The following ERBB4 variants were observed in gnomAD, a reference collection of about 807,000 sequenced individuals.
ERBB4 encodes receptor tyrosine-protein kinase erbB-4.
Under a neutral mutation model 158.0 loss-of-function variants are expected in ERBB4, and 42 were observed. The ratio of observed to expected loss-of-function variants is 0.27; its 90% CI spans 0.21 to 0.34. ERBB4 has a LOEUF of 0.34. ERBB4 is among the 10% of genes least tolerant of loss of function. The pLI is 1.00. For synonymous variants in ERBB4, 583 were observed against 558.7 expected, an observed-to-expected ratio of 1.04 and a Z score of -0.61; for missense variants, 1,333 against 1,624.1, an observed-to-expected ratio of 0.82 and a Z score of 3.08.
At chr2:212,524,016 G>C (rs1046728321) in intron 1 of ERBB4, among the ~76,000 whole-genome samples, 2 of 151,818 alleles carry the variant, frequency 1.3e-5, no homozygotes, top group African/African-American at 2.4e-5. Context: ...CTAATCCCTC[G>C]TATATGTAAC....
At chr2:211,768,328 C>A (rs1190216143) in intron 4 of ERBB4, among the ~76,000 whole-genome samples, 1 of 152,192 alleles carries the variant, frequency 6.6e-6, no homozygotes, top group East Asian at 1.9e-4. Flanking sequence ...TCCAGGCACA[C>A]AGTGAAGCTG....
intron 1 of ERBB4, among the ~76,000 whole-genome samples, chr2:212,458,082 TA>T (rs1237286691): frequency 6.6e-6 from 1 of 152,116 alleles, no homozygotes; most frequent in East Asian, 1.9e-4. Flanking sequence ...TACTGTTTTT[TA>T]AAATAATTCA....
At chr2:212,431,017 G>A (rs1292104633) in intron 1 of ERBB4, among the ~76,000 whole-genome samples, 2 of 152,004 alleles carry the variant, frequency 1.3e-5, no homozygotes, top group Admixed American at 6.6e-5. Context: ...AGGAAACATA[G>A]ACTTACTCCT....
At chr2:212,320,092 T>G (rs1479342366) in intron 1 of ERBB4, among the ~76,000 whole-genome samples, 1 of 149,916 alleles carries the variant, frequency 6.7e-6, no homozygotes, top group Non-Finnish European at 1.5e-5. Context: ...AGTGATGGCA[T>G]TGTACTGAGG....
rs188689067 is a variant in ERBB4 at position 212,065,909 on chromosome 2, T to C, written c.234+58843A>G. ...GCGATGGTGAAGGTGCCTGTAACAA[T>C]TGTAGTTCTGAACCGGAATTATTTA... is the stretch of plus-strand genomic sequence containing the variant. On this transcript the variant is annotated intron_variant, in intron 2 of 27. Coordinates refer to ENST00000342788, the MANE Select transcript of ERBB4 (RefSeq NM_005235.3). Among the ~76,000 whole-genome samples, 381 of 152,130 alleles carry C rather than the reference T, an allele frequency of 2.5e-3. 1 individual carries two copies. The highest frequency in any genetic ancestry group is 8.8e-3 in the African/African-American group (366 of 41,552).
At chr2:212,449,425 A>C (rs755285098) in intron 1 of ERBB4, among the ~76,000 whole-genome samples, 2 of 152,166 alleles carry the variant, frequency 1.3e-5, no homozygotes, top group Non-Finnish European at 2.9e-5. Context: ...AATAGCAAGT[A>C]AATTTTATTG....
At chr2:211,857,517 C>T (rs1245199115) in intron 3 of ERBB4, among the ~76,000 whole-genome samples, 1 of 151,906 alleles carries the variant, frequency 6.6e-6, no homozygotes, top group East Asian at 1.9e-4. Context: ...TTGTCTCCTC[C>T]AGCTTTTCTT....
intron 20 of ERBB4, among the ~76,000 whole-genome samples, chr2:211,537,136 A>T (rs543605133): frequency 6.6e-6 from 1 of 152,118 alleles, no homozygotes; most frequent in African/African-American, 2.4e-5. Context: ...TTAAAAAATC[A>T]ATTTTCCCAA....
In ERBB4 at chr2:212,391,753, T is replaced by A. The variant is rs969753366; in HGVS notation, c.82+146696A>T. On this transcript the variant is annotated intron_variant, in intron 1 of 27. Coordinates refer to ENST00000342788, the MANE Select transcript of ERBB4 (RefSeq NM_005235.3). Reference sequence around the variant, plus strand: ...TATATGACATATATATTATATATAATATTGACATATATTATATATATGTCA... The same window carrying A: ...TATATGACATATATATTATATATAAAATTGACATATATTATATATATGTCA... Among the ~76,000 whole-genome samples the A allele has an allele frequency of 1.7e-4, 25 of 144,232 alleles. 1 individual carries two copies. The highest frequency in any genetic ancestry group is 3.2e-4 in the Non-Finnish European group (21 of 66,208). The allele number at this position is 144,232 out of a possible 152,430, so 94.6% of individuals were successfully genotyped here.
chr2:212,363,981 T>C (rs1233302321), intron 1 of ERBB4, among the ~76,000 whole-genome samples: 3 of 151,866 alleles, frequency 2.0e-5, no homozygotes, highest in Non-Finnish European at 2.9e-5. Context: ...TAATAAGAAC[T>C]GTGAAACACA....
chr2:212,443,684 C>G (rs2092297826), intron 1 of ERBB4, among the ~76,000 whole-genome samples: 1 of 152,180 alleles, frequency 6.6e-6, no homozygotes, highest in Non-Finnish European at 1.5e-5. Flanking sequence ...CCACTTGGGC[C>G]CTGTGACCCA....
At chr2:211,842,350 C>T (rs1372872134) in intron 3 of ERBB4, among the ~76,000 whole-genome samples, 1 of 150,366 alleles carries the variant, frequency 6.7e-6, no homozygotes, top group Non-Finnish European at 1.5e-5. Flanking sequence ...ATTTCAAATA[C>T]GTTTCCACTT....
chr2:211,871,592 C>T (rs934352153), intron 3 of ERBB4, among the ~76,000 whole-genome samples: 1 of 151,476 alleles, frequency 6.6e-6, no homozygotes, highest in Non-Finnish European at 1.5e-5. Flanking sequence ...CCTATGTTCA[C>T]GTACTACATC....
intron 5 of ERBB4, 63 bp downstream of exon 5, chr2:211,750,576 G>A: frequency 1.5e-6 from 2 of 1,359,872 alleles, no homozygotes; most frequent in East Asian, 2.3e-5. Flanking sequence ...GGCATGAAAT[G>A]GACCAATCAT....
chr2:211,976,274 A>C (rs2081604064), intron 2 of ERBB4, among the ~76,000 whole-genome samples: 1 of 152,196 alleles, frequency 6.6e-6, no homozygotes, highest in African/African-American at 2.4e-5. Context: ...GAGGAAAGAT[A>C]CCTGAGGCCA....
At chr2:211,553,171 G>A (rs1310052790) in intron 20 of ERBB4, among the ~76,000 whole-genome samples, 1 of 151,984 alleles carries the variant, frequency 6.6e-6, no homozygotes, top group Non-Finnish European at 1.5e-5. Flanking sequence ...GTTTCACCGT[G>A]TTGGCCAGGC....
chr2:211,528,865 G>A (rs1233225418), intron 20 of ERBB4, among the ~76,000 whole-genome samples: 4 of 151,684 alleles, frequency 2.6e-5, no homozygotes, highest in Non-Finnish European at 4.4e-5. Context: ...GCAGTACTAA[G>A]AAGAAATTTT....
intron 1 of ERBB4, among the ~76,000 whole-genome samples, chr2:212,443,331 T>G (rs1430871409): frequency 6.6e-6 from 1 of 152,234 alleles, no homozygotes; most frequent in Non-Finnish European, 1.5e-5. Context: ...CACACTGAAC[T>G]TATTGGTGAG....
intron 1 of ERBB4, among the ~76,000 whole-genome samples, chr2:212,223,348 AT>A: frequency 6.8e-6 from 1 of 147,288 alleles, no homozygotes; most frequent in African/African-American, 2.5e-5. Context: ...ATATATATAT[AT>A]AAAATTGTCT....
Sources: gnomAD v4.1 joint callset for allele counts (sites outside exome capture counted in the v4.1 genomes callset) on GRCh38, gnomAD v4.1.1 for gene constraint, MANE v1.5 for transcripts, NCBI Gene and HGNC (gene_info 2026-07-23, HGNC 2026-07-21) for gene names.